The following HAMP variants were observed in gnomAD, a reference collection of about 807,000 sequenced individuals.
HAMP encodes hepcidin antimicrobial peptide, also known as hepcidin.
A neutral mutation model predicts 7.8 loss-of-function variants in HAMP; 5 were observed. That is an observed-to-expected ratio of 0.64 (90% CI 0.33 to 1.34). The LOEUF (loss-of-function observed/expected upper bound fraction) is 1.34, where lower values mean the gene tolerates loss of function less well. HAMP is among the 40% of genes most tolerant of loss of function. The pLI is 0.05. For synonymous variants in HAMP, 52 were observed against 38.6 expected (o/e 1.35, Z -1.28); for missense variants, 105 against 104.1 (o/e 1.01, Z -0.04).
intron 1 of HAMP, 159 bp from the exon 2 acceptor site, chr19:35,284,630 C>T: frequency 1.6e-6 from 1 of 629,062 alleles, no homozygotes; most frequent in Non-Finnish European, 2.8e-6. Context: ...GAAAAGCCGC[C>T]CATGGGAAGG....
chr19:35,283,157 G>A (rs1011339468), intron 1 of HAMP: 6 of 227,644 alleles, frequency 2.6e-5, no homozygotes, highest in South Asian at 6.8e-5. Flanking sequence ...GGGTATTTAC[G>A]GAACCCCTAC....
intron 1 of HAMP, chr19:35,283,112 A>C: frequency 1.1e-5 from 3 of 263,606 alleles, no homozygotes; most frequent in African/African-American, 2.2e-5. Context: ...TCAATGAAGC[A>C]CCGAGTGACA....
chr19:35,282,538 G>A lies in HAMP; in HGVS notation c.-40G>A. 1.3e-6 allele frequency: 2 copies of A among 1,534,016 alleles called. No homozygotes were observed. The highest frequency in any genetic ancestry group is 1.8e-6 in the Non-Finnish European group (2 of 1,107,036). On this transcript the variant is annotated 5_prime_UTR_variant, in exon 1 of 3. Coordinates refer to ENST00000222304, the MANE Select transcript of HAMP (RefSeq NM_021175.4). The stretch of plus-strand genomic sequence containing the variant: ...CACTCGGTCCCAGACACCAGAGCAA[G>A]CTCAAGACCCAGCAGTGGGACAGCC...
rs104894695 is a variant in HAMP, at chr19:35,284,953, C to T, written c.166C>T (p.Arg56Ter). ...RASWMPMFQRRRRRDTHFPIC... is the reference protein window; with the variant it reads ...RASWMPMFQR The stretch of plus-strand genomic sequence containing the variant: ...CTTCCCACAGCCCATGTTCCAGAGG[C>T]GAAGGAGGCGAGACACCCACTTCCC... The change falls in exon 3 of 3, where the codon CGA becomes TGA. Residue 56 changes from arginine (R) to a stop codon, truncating the protein, a stop_gained. Transcript: ENST00000222304. LOFTEE classifies it low-confidence loss of function (END_TRUNC). 4.3e-6 allele frequency: 7 copies of T among 1,613,330 alleles called. No homozygotes were observed. Among genetic ancestry groups the T allele is most frequent in the East Asian group, 2.2e-5 (1 of 44,876 alleles).
chr19:35,284,873 C>G, intron 2 of HAMP, 25 bp downstream of exon 2: 1 of 1,609,762 alleles, frequency 6.2e-7, no homozygotes, highest in Non-Finnish European at 8.5e-7. Flanking sequence ...GATGCCTTTC[C>G]TAGCCCCCTG....
Position 35,283,591 on chromosome 19 carries a change from G to C in HAMP, c.90+924G>C, listed in dbSNP as rs1471396049. The C allele has an allele frequency of 2.0e-5, 3 of 152,338 alleles. No individual in the cohort carries two copies. The East Asian group carries it at 5.8e-4, about 29-fold the overall frequency. 9.4% of individuals were successfully genotyped at this position (152,338 alleles called of 1,614,324 possible). A position where few individuals can be genotyped will look rare whatever the true frequency, so the allele number is the denominator to read the frequency against. ...TCAAGCAAGTGTTTCATGAGAAAGTGACAGTTGACCTTCGTCTTGGAGGGT... is the reference window on the plus strand; with the variant it reads ...TCAAGCAAGTGTTTCATGAGAAAGTCACAGTTGACCTTCGTCTTGGAGGGT... On this transcript the variant is annotated intron_variant, in intron 1 of 2. Transcript: ENST00000222304.
At chr19:35,284,251 C>T (rs2066316025) in intron 1 of HAMP, 1 of 168,350 alleles carries the variant, frequency 5.9e-6, no homozygotes, top group African/African-American at 2.4e-5. Context: ...TCAAGACCAG[C>T]TTGGGCAACA....
At position 35,284,801 on chromosome 19, in the gene HAMP, G is replaced by T; in HGVS notation, c.103G>T (p.Ala35Ser). 6.2e-7 allele frequency: 1 copy of T among 1,613,928 alleles called. No homozygotes were observed. The highest frequency in any genetic ancestry group is 8.5e-7 in the Non-Finnish European group (1 of 1,179,854). The change falls in exon 2 of 3, where the codon GCA becomes TCA. Residue 35 changes from alanine (A) to serine (S), a missense_variant. Coordinates refer to ENST00000222304, the MANE Select transcript of HAMP (RefSeq NM_021175.4). Reference sequence around the variant, plus strand: ...TCTGCTTTCACAGACGGGACAACTTGCAGAGCTGCAACCCCAGGACAGAGC... The same window carrying T: ...TCTGCTTTCACAGACGGGACAACTTTCAGAGCTGCAACCCCAGGACAGAGC... ...SVFPQQTGQL[A>S]ELQPQDRAGA...
intron 1 of HAMP, chr19:35,284,453 A>G: frequency 2.3e-6 from 1 of 438,654 alleles, no homozygotes; most frequent in South Asian, 2.3e-5. Flanking sequence ...TAAAAAACAA[A>G]CAAAAAAAGT....
intron 1 of HAMP, chr19:35,283,026 A>T (rs1028146844): frequency 6.0e-6 from 2 of 333,454 alleles, no homozygotes; most frequent in Non-Finnish European, 5.9e-6. Context: ...TGGAGGTTGC[A>T]CAGTGAGCTG....
rs2066321056 is a variant in HAMP at position 35,285,120 on chromosome 19, T to C, written c.*78T>C. On this transcript the variant is annotated 3_prime_UTR_variant, in exon 3 of 3. Coordinates refer to ENST00000222304, the MANE Select transcript of HAMP (RefSeq NM_021175.4). ...CCAGAACATAGGTCTTGGAATAAAA[T>C]GGCTGGTTCTTTTGTTTTCCAAACC... 2.1e-6 allele frequency: 2 copies of C among 955,974 alleles called. No homozygotes were observed. The highest frequency in any genetic ancestry group is 1.3e-5 in the South Asian group (1 of 77,686). The allele number at this position is 955,974 out of a possible 1,614,324, so 59.2% of individuals were successfully genotyped here. A position where few individuals can be genotyped will look rare whatever the true frequency, so the allele number is the denominator to read the frequency against.
chr19:35,283,631 G>C (rs1182186478), intron 1 of HAMP: 1 of 152,330 alleles, frequency 6.6e-6, no homozygotes, highest in Non-Finnish European at 1.5e-5. Context: ...GATGGAGGCA[G>C]CAAAGACCTA....
At position 35,282,566 on chromosome 19, in the gene HAMP, A is replaced by C; in HGVS notation, c.-12A>C. 1 of 1,611,326 alleles carries C rather than the reference A, an allele frequency of 6.2e-7. No homozygotes were observed. ...CAAGACCCAGCAGTGGGACAGCCAG[A>C]CAGACGGCACGATGGCACTGAGCTC... On this transcript the variant is annotated 5_prime_UTR_variant, in exon 1 of 3. Coordinates refer to ENST00000222304, the MANE Select transcript of HAMP (RefSeq NM_021175.4).
intron 2 of HAMP, 37 bp downstream of exon 2, chr19:35,284,885 T>C: frequency 2.5e-6 from 4 of 1,605,978 alleles, no homozygotes; most frequent in Non-Finnish European, 3.4e-6. Context: ...AGCCCCCTGC[T>C]CCCTCCCCAT....
intron 1 of HAMP, chr19:35,282,973 T>C (rs1056500970): frequency 2.7e-6 from 1 of 366,630 alleles, no homozygotes; most frequent in African/African-American, 2.1e-5. Context: ...TAATCCCAGC[T>C]ACTCGGGAGA....
At chr19:35,282,913 C>T (rs1019684390) in intron 1 of HAMP, 2 of 471,690 alleles carry the variant, frequency 4.2e-6, no homozygotes, top group South Asian at 2.1e-5. Context: ...GGTAAAACCC[C>T]GTCTCTACTA....
At chr19:35,284,356 C>T in intron 1 of HAMP, 1 of 207,100 alleles carries the variant, frequency 4.8e-6, no homozygotes, top group Non-Finnish European at 9.9e-6. Context: ...GAGGCGGGAG[C>T]ATCGCTTGAG....
intron 1 of HAMP, chr19:35,283,702 G>A (rs1317710722): frequency 1.3e-5 from 2 of 152,368 alleles, no homozygotes; most frequent in Admixed American, 6.5e-5. Flanking sequence ...GGTGGGACTT[G>A]GGGATAAGGC....
At chr19:35,283,968 T>G (rs1277544624) in intron 1 of HAMP, 1 of 151,956 alleles carries the variant, frequency 6.6e-6, no homozygotes, top group East Asian at 1.9e-4. Context: ...CTAATTTTTG[T>G]TTTTTTAGTA....
Sources: allele counts gnomAD v4.1 joint callset, GRCh38; gene constraint gnomAD v4.1.1; transcripts MANE v1.5; gene names NCBI Gene and HGNC (gene_info 2026-07-23, HGNC 2026-07-21).